Variants in SLC68A1 observed in about 807,000 individuals in gnomAD.
The protein encoded by SLC68A1 is solute carrier family 68 member 1, also known as major facilitator superfamily domain containing 13A.
At chr10:102,467,793 A>G in the SLC68A1 span, among the ~76,000 whole-genome samples, 1 of 152,010 alleles carries the variant, frequency 6.6e-6, no homozygotes, top group Non-Finnish European at 1.5e-5. Flanking sequence ...AGTAGCTGGG[A>G]TTACAGGCAT....
the SLC68A1 span, chr10:102,469,042 C>T: frequency 6.2e-7 from 1 of 1,613,010 alleles, no homozygotes; most frequent in Non-Finnish European, 8.5e-7. Context: ...GGGGCTGGGT[C>T]AGCCCCAGGC....
At chr10:102,465,641 G>T in the SLC68A1 span, among the ~76,000 whole-genome samples, 2 of 152,118 alleles carry the variant, frequency 1.3e-5, no homozygotes, top group East Asian at 3.9e-4. Flanking sequence ...TGCCAGGGAG[G>T]TGGGTGGAGT....
chr10:102,470,098 G>A, the SLC68A1 span: 1 of 1,609,232 alleles, frequency 6.2e-7, no homozygotes, highest in Non-Finnish European at 8.5e-7. Flanking sequence ...GGAACAGCTC[G>A]TAATTGGTTC....
the SLC68A1 span, chr10:102,470,625 C>A: frequency 1.3e-6 from 2 of 1,582,826 alleles, no homozygotes; most frequent in Non-Finnish European, 8.6e-7. Flanking sequence ...CCTGCCAAGT[C>A]TGACACGGCA....
the SLC68A1 span, among the ~76,000 whole-genome samples, chr10:102,470,406 G>C: frequency 3.9e-5 from 6 of 152,298 alleles, no homozygotes; most frequent in African/African-American, 1.4e-4. Flanking sequence ...CCAACCTTGA[G>C]AAGTGGGCAT....
chr10:102,472,916 C>G, the SLC68A1 span: 5 of 1,614,186 alleles, frequency 3.1e-6, no homozygotes, highest in Non-Finnish European at 3.4e-6. Context: ...TGTTGTCCGA[C>G]CATATCTCCC....
At chr10:102,473,738 C>G in the SLC68A1 span, 2 of 1,611,766 alleles carry the variant, frequency 1.2e-6, no homozygotes, top group Non-Finnish European at 1.7e-6. Context: ...CTCTTCATTG[C>G]CAGGTATGCC....
chr10:102,468,997 G>C, the SLC68A1 span: 1 of 1,588,442 alleles, frequency 6.3e-7, no homozygotes, highest in East Asian at 2.3e-5. Context: ...AGCCCTCCCC[G>C]GTGCTCCTGG....
chr10:102,476,213 G>T, the SLC68A1 span: 1 of 674,748 alleles, frequency 1.5e-6, no homozygotes, highest in Non-Finnish European at 2.2e-6. Context: ...GATTATAGGA[G>T]CGTGCCACCA....
At chr10:102,467,620 G>A in the SLC68A1 span, among the ~76,000 whole-genome samples, 4 of 152,180 alleles carry the variant, frequency 2.6e-5, no homozygotes, top group East Asian at 1.9e-4. Context: ...TGTGGCCCAC[G>A]GGGGTGGTGG....
At chr10:102,476,774 C>G in the SLC68A1 span, 1 of 986,030 alleles carries the variant, frequency 1.0e-6, no homozygotes, top group Non-Finnish European at 1.2e-6. Context: ...GAGCCCATCC[C>G]GCTGCCTGAC....
At chr10:102,471,918 C>A in the SLC68A1 span, 1 of 386,920 alleles carries the variant, frequency 2.6e-6, no homozygotes, top group Non-Finnish European at 5.2e-6. Flanking sequence ...AGGTCTCAGG[C>A]TCTCTGGGTA....
the SLC68A1 span, chr10:102,472,847 G>A: frequency 6.2e-7 from 1 of 1,613,236 alleles, no homozygotes; most frequent in Non-Finnish European, 8.5e-7. Context: ...TCCCTGTCGG[G>A]TTGCAGGTCT....
At chr10:102,473,621 G>T in the SLC68A1 span, 1 of 1,613,966 alleles carries the variant, frequency 6.2e-7, no homozygotes. Context: ...CTGTCCCTGT[G>T]CCGGCGCTGG....
the SLC68A1 span, chr10:102,472,841 T>C: frequency 6.2e-7 from 1 of 1,610,540 alleles, no homozygotes; most frequent in South Asian, 1.1e-5. Context: ...TCACCATCCC[T>C]GTCGGGTTGC....
the SLC68A1 span, among the ~76,000 whole-genome samples, chr10:102,469,452 A>G: frequency 2.6e-5 from 4 of 151,988 alleles, no homozygotes; most frequent in African/African-American, 9.7e-5. Flanking sequence ...TAATATGTTC[A>G]CGTATATGAA....
the SLC68A1 span, among the ~76,000 whole-genome samples, chr10:102,464,995 C>T: frequency 4.0e-5 from 6 of 151,868 alleles, no homozygotes; most frequent in Admixed American, 1.3e-4. Flanking sequence ...AGGCTCATGG[C>T]TGCAATCCCA....
At chr10:102,474,046 G>A in the SLC68A1 span, 1 of 1,548,550 alleles carries the variant, frequency 6.5e-7, no homozygotes, top group Non-Finnish European at 8.7e-7. Context: ...GGCTCTTAAG[G>A]CTCCAGGGGG....
the SLC68A1 span, chr10:102,475,952 C>G: frequency 6.2e-7 from 1 of 1,612,144 alleles, no homozygotes; most frequent in Non-Finnish European, 8.5e-7. Context: ...GAACCTGTCA[C>G]AGGCCCAAAC....
Sources: gnomAD v4.1 joint callset for allele counts (sites outside exome capture counted in the v4.1 genomes callset) on GRCh38, gnomAD v4.1.1 for gene constraint, MANE v1.5 for transcripts, NCBI Gene and HGNC (gene_info 2026-07-23, HGNC 2026-07-21) for gene names.